The following CACNB2 variants were observed in gnomAD, a reference collection of about 807,000 sequenced individuals.
CACNB2 encodes voltage-dependent L-type calcium channel subunit beta-2.
Under a neutral mutation model 73.3 loss-of-function variants are expected in CACNB2, and 42 were observed. The observed-to-expected ratio is 0.57, with a 90% CI of 0.45 to 0.74. The LOEUF is 0.74. Among genes scored for constraint, CACNB2 ranks in the 30% least tolerant of loss-of-function variants. The probability of loss-of-function intolerance (pLI) is 0.00; values close to 1 mark genes in which losing one functional copy is unlikely to be tolerated. For missense variants in CACNB2, 940 were observed against 853.0 expected (o/e 1.10, Z -1.27); for synonymous variants, 348 against 310.3 (o/e 1.12, Z -1.28).
intron 2 of CACNB2, among the ~76,000 whole-genome samples, chr10:18,252,852 A>G (rs116239235): frequency 4.5e-4 from 69 of 152,206 alleles, no homozygotes; most frequent in African/African-American, 1.6e-3. Context: ...TGGAAGGGGA[A>G]CCTCTGAAAG....
chr10:18,207,877 C>A (rs1244267998), intron 2 of CACNB2, among the ~76,000 whole-genome samples: 1 of 152,050 alleles, frequency 6.6e-6, no homozygotes, highest in Non-Finnish European at 1.5e-5. Flanking sequence ...TAAAAAGAAT[C>A]ATCGTTATGA....
chr10:18,221,605 G>C (rs1338347418), intron 2 of CACNB2, among the ~76,000 whole-genome samples: 1 of 152,170 alleles, frequency 6.6e-6, no homozygotes, highest in Non-Finnish European at 1.5e-5. Flanking sequence ...CTTAAACCTG[G>C]GAGGTGAAGG....
intron 4 of CACNB2, among the ~76,000 whole-genome samples, chr10:18,499,633 A>G (rs1318656560): frequency 4.8e-5 from 5 of 104,532 alleles, no homozygotes; most frequent in South Asian, 2.7e-4. Context: ...AAAAAAAAAA[A>G]AAAAAAGAAC....
chr10:18,506,845 G>C (rs1336128894), intron 6 of CACNB2, among the ~76,000 whole-genome samples: 1 of 151,936 alleles, frequency 6.6e-6, no homozygotes. Context: ...TATTGCCCAC[G>C]CTGGAGTGCA....
At position 18,363,988 on chromosome 10, in the gene CACNB2, C is replaced by T. The variant is rs536815846; in HGVS notation, c.214-37936C>T. On this transcript the variant is annotated intron_variant, in intron 2 of 13. Transcript: ENST00000324631. ...TTTTTAGATGATGTTTTGCTCGTTG[C>T]CTAGGCTGGAGTACAATGGCACAAT... is the stretch of plus-strand genomic sequence containing the variant. Among the ~76,000 whole-genome samples, 5 of 146,204 alleles carry T rather than the reference C, an allele frequency of 3.4e-5. No individual in the cohort carries two copies. In the Admixed American group the frequency reaches 3.5e-4, roughly 10 times the overall value.
intron 2 of CACNB2, among the ~76,000 whole-genome samples, chr10:18,340,077 C>T (rs950111285): frequency 5.9e-5 from 9 of 152,116 alleles, no homozygotes; most frequent in Admixed American, 6.5e-5. Flanking sequence ...TATCTATTCA[C>T]GTCTTGTTTT....
At chr10:18,535,983 C>A in intron 11 of CACNB2, 118 bp from the exon 12 acceptor site, 1 of 666,134 alleles carries the variant, frequency 1.5e-6, no homozygotes, top group South Asian at 1.7e-5. Flanking sequence ...ATAGCTCCAT[C>A]TATTATAAGC....
At chr10:18,527,318 G>A (rs534459540) in intron 9 of CACNB2, among the ~76,000 whole-genome samples, 1 of 152,066 alleles carries the variant, frequency 6.6e-6, no homozygotes. Context: ...GGAGATTGCA[G>A]TGAGCCGAGA....
intron 2 of CACNB2, among the ~76,000 whole-genome samples, chr10:18,387,098 C>T (rs2043268194): frequency 6.6e-6 from 1 of 152,202 alleles, no homozygotes; most frequent in South Asian, 2.1e-4. Context: ...TCAGAGCCGT[C>T]ATCTTGGTCA....
At chr10:18,512,186 A>G (rs574858910) in intron 6 of CACNB2, among the ~76,000 whole-genome samples, 2 of 152,230 alleles carry the variant, frequency 1.3e-5, no homozygotes, top group Non-Finnish European at 2.9e-5. Context: ...CTTTCATTTT[A>G]CAGATGAGGA....
intron 2 of CACNB2, among the ~76,000 whole-genome samples, chr10:18,339,053 T>G (rs1275473737): frequency 2.6e-5 from 4 of 152,086 alleles, no homozygotes; most frequent in Non-Finnish European, 5.9e-5. Flanking sequence ...TTCCCGTTTT[T>G]TACTACAGCC....
Position 18,343,867 on chromosome 10 carries a change from C to A in CACNB2, c.214-58057C>A, listed in dbSNP as rs149697282. ...CTGTGTGCAAATATTTCAGTCTCTG[C>A]ATATGTGAACATTTTCTAGCTTCTG... On this transcript the variant is annotated intron_variant, in intron 2 of 13. Transcript: ENST00000324631. 9.1e-4 allele frequency among the ~76,000 whole-genome samples: 138 copies of A among 152,212 alleles called. 1 individual carries two copies. The highest frequency in any genetic ancestry group is 1.2e-3 in the Non-Finnish European group (79 of 68,016).
rs910522463 is a variant in CACNB2, at chr10:18,335,915, C to T, written c.214-66009C>T. On this transcript the variant is annotated intron_variant, in intron 2 of 13. Transcript: ENST00000324631. ...ATGTTCCATTTAGAATTTCCATCCT[C>T]ATCCTTCTCTTCAAACCTCAGTTGC... Among the ~76,000 whole-genome samples, 5 of 146,540 alleles carry T rather than the reference C, an allele frequency of 3.4e-5. No individual in the cohort carries two copies. The East Asian group carries it at 9.8e-4, about 29-fold the overall frequency.
intron 2 of CACNB2, among the ~76,000 whole-genome samples, chr10:18,245,473 C>T (rs1462128760): frequency 3.3e-5 from 5 of 152,028 alleles, no homozygotes. Context: ...AGGCATGCAC[C>T]ATCATACCTG....
chr10:18,251,080 A>G (rs1156749676), intron 2 of CACNB2, among the ~76,000 whole-genome samples: 1 of 152,208 alleles, frequency 6.6e-6, no homozygotes, highest in Non-Finnish European at 1.5e-5. Flanking sequence ...TCTGAAGCTC[A>G]TTGATGAGAA....
intron 3 of CACNB2, among the ~76,000 whole-genome samples, chr10:18,492,808 G>C (rs551708912): frequency 1.3e-5 from 2 of 152,232 alleles, no homozygotes; most frequent in East Asian, 1.9e-4. Context: ...TGATGAGTTT[G>C]GTTTGAGGAC....
intron 2 of CACNB2, among the ~76,000 whole-genome samples, chr10:18,198,508 G>A (rs1027822287): frequency 3.3e-5 from 5 of 152,120 alleles, no homozygotes; most frequent in African/African-American, 9.7e-5. Context: ...TGTCACTGGA[G>A]TCATTGCTCT....
intron 2 of CACNB2, chr10:18,260,949 C>T: frequency 7.8e-7 from 1 of 1,278,318 alleles, no homozygotes; most frequent in Non-Finnish European, 1.0e-6. Context: ...ACAGTCCTAA[C>T]TCTGTGTTAG....
intron 2 of CACNB2, among the ~76,000 whole-genome samples, chr10:18,204,350 C>T (rs1014072247): frequency 1.6e-4 from 24 of 152,314 alleles, no homozygotes; most frequent in African/African-American, 5.8e-4. Flanking sequence ...TGAAATGACA[C>T]ATCACCACTA....
Sources: gnomAD v4.1 joint callset for allele counts (sites outside exome capture counted in the v4.1 genomes callset) on GRCh38, gnomAD v4.1.1 for gene constraint, MANE v1.5 for transcripts, NCBI Gene and HGNC (gene_info 2026-07-23, HGNC 2026-07-21) for gene names.